Variants in FCHSD2 observed in about 807,000 individuals in gnomAD.
FCHSD2 encodes F-BAR and double SH3 domains protein 2.
A neutral mutation model predicts 108.1 loss-of-function variants in FCHSD2; 38 were observed. The observed-to-expected ratio is 0.35, with a 90% CI of 0.27 to 0.46. FCHSD2 has a LOEUF of 0.46. Among genes scored for constraint, FCHSD2 ranks in the 20% least tolerant of loss-of-function variants. The pLI is 1.00. For missense variants in FCHSD2, 751 were observed against 897.8 expected (o/e 0.84, Z 2.09); for synonymous variants, 279 against 314.7 (o/e 0.89, Z 1.20).
At chr11:72,979,961 G>A (rs535601571) in intron 8 of FCHSD2, among the ~76,000 whole-genome samples, 2 of 152,236 alleles carry the variant, frequency 1.3e-5, no homozygotes, top group African/African-American at 2.4e-5. Context: ...CAGGAAATAC[G>A]AAAAGAACAT....
At chr11:72,997,565 T>G (rs1367585660) in intron 5 of FCHSD2, among the ~76,000 whole-genome samples, 1 of 152,230 alleles carries the variant, frequency 6.6e-6, no homozygotes, top group Non-Finnish European at 1.5e-5. Flanking sequence ...AATTATATAA[T>G]AGAGATCAGT....
chr11:72,971,894 T>A (rs1400548767), intron 8 of FCHSD2, among the ~76,000 whole-genome samples: 1 of 152,168 alleles, frequency 6.6e-6, no homozygotes, highest in Admixed American at 6.5e-5. Context: ...CAAATATAAC[T>A]GCAAAGGAAC....
chr11:72,965,837 T>C (rs1050714670), intron 8 of FCHSD2, among the ~76,000 whole-genome samples: 2 of 152,214 alleles, frequency 1.3e-5, no homozygotes, highest in Non-Finnish European at 2.9e-5. Context: ...TCTGTTGCTC[T>C]ACCTCATGAC....
At chr11:73,042,315 T>C (rs1858660379) in intron 3 of FCHSD2, among the ~76,000 whole-genome samples, 1 of 152,180 alleles carries the variant, frequency 6.6e-6, no homozygotes, top group African/African-American at 2.4e-5. Context: ...AAAGATGGTA[T>C]CCTTTCCCCA....
At chr11:73,016,994 T>C (rs924079481) in intron 3 of FCHSD2, among the ~76,000 whole-genome samples, 1 of 152,224 alleles carries the variant, frequency 6.6e-6, no homozygotes, top group African/African-American at 2.4e-5. Context: ...CGTTCGTTTG[T>C]TTGTTTGAGA....
In FCHSD2 at chr11:73,001,031, C is replaced by A. The variant is rs1444341067; in HGVS notation, c.346G>T (p.Ala116Ser). ...ENYKNFISEP[A>S]RTVRSLKEQQ... ...TCTTTTAAGCTTCTCACTGTCCTTG[C>A]AGGCTCAGAAATGAAGTTTTTATAG... is the stretch of plus-strand genomic sequence containing the variant. Residue 116 changes from alanine to serine, a missense_variant, in exon 5 of 20, where the codon GCA becomes TCA. By Grantham distance (99) the Ala-to-Ser change is moderately conservative. Coordinates refer to ENST00000409418, the MANE Select transcript of FCHSD2 (RefSeq NM_014824.3). 1 of 1,611,832 alleles carries A rather than the reference C, an allele frequency of 6.2e-7. No individual in the cohort carries two copies. Among genetic ancestry groups the A allele is most frequent in the Admixed American group, 1.7e-5 (1 of 59,610 alleles).
rs551425033 is a variant in FCHSD2, at chr11:72,941,723, A to C, written c.706-19773T>G. The stretch of plus-strand genomic sequence containing the variant: ...TTTTGACAAGGGTGCAAGGATAGGC[A>C]CTTTCATACACTGCTTTCAGAAGTA... On this transcript the variant is annotated intron_variant, in intron 8 of 19. Transcript: ENST00000409418. 1.6e-4 allele frequency among the ~76,000 whole-genome samples: 25 copies of C among 152,310 alleles called. No individual in the cohort carries two copies. The South Asian group carries it at 5.2e-3, about 32-fold the overall frequency.
intron 3 of FCHSD2, among the ~76,000 whole-genome samples, chr11:73,031,644 C>A (rs1458668856): frequency 1.3e-5 from 2 of 152,102 alleles, no homozygotes; most frequent in Non-Finnish European, 2.9e-5. Flanking sequence ...TAGAATCTGA[C>A]CAACAAAGGA....
chr11:73,086,976 T>C (rs1244087229), intron 2 of FCHSD2, among the ~76,000 whole-genome samples: 2 of 152,214 alleles, frequency 1.3e-5, no homozygotes, highest in Non-Finnish European at 2.9e-5. Context: ...TATTGTATGA[T>C]TCCAATTATA....
chr11:72,925,728 T>C (rs1270147310), intron 8 of FCHSD2, among the ~76,000 whole-genome samples: 2 of 152,212 alleles, frequency 1.3e-5, no homozygotes, highest in African/African-American at 4.8e-5. Flanking sequence ...GTGATGGCAG[T>C]GGCTGCTGCC....
chr11:72,866,611 A>AC (rs1243180011), intron 13 of FCHSD2, among the ~76,000 whole-genome samples: 2 of 152,110 alleles, frequency 1.3e-5, no homozygotes, highest in African/African-American at 4.8e-5. Context: ...AGTGCTTACA[A>AC]CCCCAAAGTC....
At chr11:73,127,134 A>G (rs886485741) in intron 2 of FCHSD2, among the ~76,000 whole-genome samples, 2 of 152,214 alleles carry the variant, frequency 1.3e-5, no homozygotes, top group Non-Finnish European at 2.9e-5. Context: ...CAGGAGACAT[A>G]TATAATATAT....
chr11:73,118,566 T>C (rs1017340524), intron 2 of FCHSD2, among the ~76,000 whole-genome samples: 1 of 152,254 alleles, frequency 6.6e-6, no homozygotes, highest in African/African-American at 2.4e-5. Context: ...TTCACCCACA[T>C]TGATGTGTGT....
At chr11:73,076,701 T>C (rs570480630) in intron 3 of FCHSD2, among the ~76,000 whole-genome samples, 7 of 152,364 alleles carry the variant, frequency 4.6e-5, no homozygotes, top group African/African-American at 1.7e-4. Flanking sequence ...AAATTAAAAG[T>C]ATACATAAAA....
intron 6 of FCHSD2, 131 bp downstream of exon 6, chr11:72,988,833 A>C: frequency 8.0e-6 from 5 of 624,304 alleles, no homozygotes; most frequent in Non-Finnish European, 1.3e-5. Context: ...AAAGTATATA[A>C]CACATGTAGG....
chr11:73,005,893 A>G (rs1264528953), intron 4 of FCHSD2, among the ~76,000 whole-genome samples: 2 of 139,586 alleles, frequency 1.4e-5, no homozygotes, highest in African/African-American at 5.4e-5. Context: ...TATCCTGACT[A>G]TTCCTAAACT....
chr11:73,123,168 G>C (rs1860774014), intron 2 of FCHSD2, among the ~76,000 whole-genome samples: 1 of 152,134 alleles, frequency 6.6e-6, no homozygotes, highest in Non-Finnish European at 1.5e-5. Flanking sequence ...ATCATCTATT[G>C]GGGTACACAA....
intron 8 of FCHSD2, among the ~76,000 whole-genome samples, chr11:72,948,337 T>C (rs967946074): frequency 2.6e-5 from 4 of 152,210 alleles, no homozygotes; most frequent in Non-Finnish European, 5.9e-5. Flanking sequence ...TGGCTGCTTA[T>C]TATGAAACAT....
At chr11:73,113,278 G>T (rs1591564046) in intron 2 of FCHSD2, among the ~76,000 whole-genome samples, 2 of 149,696 alleles carry the variant, frequency 1.3e-5, no homozygotes, top group Admixed American at 6.7e-5. Context: ...TGTCTGAAAG[G>T]TCACATAGCT....
Sources: allele counts gnomAD v4.1 joint callset (sites outside exome capture counted in the v4.1 genomes callset), GRCh38; gene constraint gnomAD v4.1.1; transcripts MANE v1.5; gene names NCBI Gene and HGNC (gene_info 2026-07-23, HGNC 2026-07-21).